Variants in BRD10 observed in about 807,000 individuals in gnomAD.
BRD10 encodes uncharacterized bromodomain-containing protein 10.
the BRD10 span, among the ~76,000 whole-genome samples, chr9:5,927,588 A>C: frequency 2.0e-5 from 3 of 152,122 alleles, no homozygotes; most frequent in African/African-American, 7.2e-5. Context: ...TTCTACTACC[A>C]CAGCTCACCA....
At chr9:5,921,225 G>A in the BRD10 span, 4 of 1,613,744 alleles carry the variant, frequency 2.5e-6, no homozygotes, top group South Asian at 1.1e-5. Flanking sequence ...GGTATAGCTG[G>A]CACAGTGCCT....
chr9:5,880,289 G>A, the BRD10 span, among the ~76,000 whole-genome samples: 3 of 150,218 alleles, frequency 2.0e-5, no homozygotes, highest in Non-Finnish European at 4.4e-5. Flanking sequence ...TGAGGTGGGC[G>A]AATCACAAGG....
At chr9:5,961,101 A>G in the BRD10 span, among the ~76,000 whole-genome samples, 1 of 152,226 alleles carries the variant, frequency 6.6e-6, no homozygotes, top group South Asian at 2.1e-4. Context: ...ATTCCCACAC[A>G]ATGCATCAAT....
At chr9:6,007,724 C>T in the BRD10 span, 1 of 1,600,136 alleles carries the variant, frequency 6.2e-7, no homozygotes, top group Non-Finnish European at 8.5e-7. Context: ...CCTTCGGCCG[C>T]CGGTGGCGGC....
At chr9:5,913,897 T>C in the BRD10 span, 288 of 346,042 alleles carry the variant, frequency 8.3e-4, 1 homozygote, top group African/African-American at 6.0e-3. Context: ...GCAGCTCATA[T>C]GAAAATATCA....
At chr9:5,957,337 T>C in the BRD10 span, among the ~76,000 whole-genome samples, 4 of 152,176 alleles carry the variant, frequency 2.6e-5, no homozygotes, top group South Asian at 4.1e-4. Flanking sequence ...CTCCTTCCAT[T>C]ATGTAATTCT....
chr9:5,985,682 G>C, the BRD10 span, among the ~76,000 whole-genome samples: 1 of 152,148 alleles, frequency 6.6e-6, no homozygotes, highest in African/African-American at 2.4e-5. Context: ...CTACTCAGGA[G>C]GCTGAGACAG....
At chr9:5,989,333 C>T in the BRD10 span, among the ~76,000 whole-genome samples, 11 of 142,444 alleles carry the variant, frequency 7.7e-5, no homozygotes, top group Admixed American at 6.5e-4. Context: ...ACTTGGGAGG[C>T]TAAGGTGGGA....
the BRD10 span, chr9:5,908,790 C>T: frequency 7.3e-7 from 1 of 1,364,010 alleles, no homozygotes; most frequent in Non-Finnish European, 1.0e-6. Context: ...CTAATGTTCT[C>T]CTTTGGAATG....
At chr9:5,971,052 C>CAAAAAAAAA in the BRD10 span, among the ~76,000 whole-genome samples, 58 of 43,190 alleles carry the variant, frequency 1.3e-3, 11 homozygotes, top group Non-Finnish European at 2.5e-3. Flanking sequence ...AGCAACGTCT[C>CAAAAAAAAA]AAAAAAAAAA....
chr9:5,885,049 G>T, the BRD10 span, among the ~76,000 whole-genome samples: 1 of 152,208 alleles, frequency 6.6e-6, no homozygotes, highest in Non-Finnish European at 1.5e-5. Context: ...GGAGGAGGGA[G>T]TCCCTGTGGT....
chr9:5,891,854 C>G, the BRD10 span, among the ~76,000 whole-genome samples: 1 of 152,186 alleles, frequency 6.6e-6, no homozygotes, highest in African/African-American at 2.4e-5. Flanking sequence ...TGGGGACAGG[C>G]TGAAGCCCCT....
At chr9:5,897,774 C>T in the BRD10 span, 1 of 839,764 alleles carries the variant, frequency 1.2e-6, no homozygotes, top group East Asian at 2.5e-5. Context: ...CTGATTCCGG[C>T]TTCTGATGCC....
At chr9:5,885,041 A>C in the BRD10 span, among the ~76,000 whole-genome samples, 1 of 152,286 alleles carries the variant, frequency 6.6e-6, no homozygotes, top group Admixed American at 6.5e-5. Context: ...TGTCTGAGGG[A>C]GGAGGGAGTC....
At chr9:5,928,616 A>C in the BRD10 span, among the ~76,000 whole-genome samples, 1 of 151,940 alleles carries the variant, frequency 6.6e-6, no homozygotes, top group Non-Finnish European at 1.5e-5. Flanking sequence ...AGTACCTTCT[A>C]TTCCCTCTGC....
the BRD10 span, among the ~76,000 whole-genome samples, chr9:5,950,604 A>C: frequency 6.6e-6 from 1 of 152,282 alleles, no homozygotes; most frequent in South Asian, 2.1e-4. Flanking sequence ...TTTTAAATAA[A>C]GGTATCACAT....
chr9:6,005,285 C>A, the BRD10 span, among the ~76,000 whole-genome samples: 1 of 151,444 alleles, frequency 6.6e-6, no homozygotes, highest in Non-Finnish European at 1.5e-5. Flanking sequence ...CCGAGGCGGG[C>A]GGATCACCTG....
At chr9:6,001,401 C>G in the BRD10 span, among the ~76,000 whole-genome samples, 1 of 152,084 alleles carries the variant, frequency 6.6e-6, no homozygotes, top group Non-Finnish European at 1.5e-5. Context: ...TATGATTGGC[C>G]CCAGACTATC....
the BRD10 span, among the ~76,000 whole-genome samples, chr9:5,936,400 A>G: frequency 6.6e-6 from 1 of 152,170 alleles, no homozygotes; most frequent in Non-Finnish European, 1.5e-5. Flanking sequence ...TGCTGTCAGT[A>G]AATCTGCCTT....
Sources: gnomAD v4.1 joint callset for allele counts (sites outside exome capture counted in the v4.1 genomes callset) on GRCh38, gnomAD v4.1.1 for gene constraint, MANE v1.5 for transcripts, NCBI Gene and HGNC (gene_info 2026-07-23, HGNC 2026-07-21) for gene names.